CLSTN1: variants seen among roughly 807,000 people sequenced by gnomAD.
The protein encoded by CLSTN1 is calsyntenin 1.
In CLSTN1, 28 loss-of-function variants were observed where a neutral mutation model predicts 108.3. The observed-to-expected ratio is 0.26, with a 90% CI of 0.19 to 0.35. The LOEUF is 0.35. CLSTN1 is among the 10% of genes least tolerant of loss of function. The pLI is 1.00. For missense variants in CLSTN1, 1,157 were observed against 1,302.6 expected (o/e 0.89, Z 1.72); for synonymous variants, 524 against 534.9 (o/e 0.98, Z 0.28).
chr1:9,817,030 T>C (rs1249093865), intron 1 of CLSTN1, among the ~76,000 whole-genome samples: 1 of 152,154 alleles, frequency 6.6e-6, no homozygotes, highest in Non-Finnish European at 1.5e-5. Flanking sequence ...CAACAGAAGT[T>C]CTTGTCATGG....
At chr1:9,779,825 C>T (rs1653158504) in intron 1 of CLSTN1, among the ~76,000 whole-genome samples, 1 of 151,982 alleles carries the variant, frequency 6.6e-6, no homozygotes, top group South Asian at 2.1e-4. Context: ...ACTCCAAAAA[C>T]TCCATTGTTT....
chr1:9,743,036 T>A (rs931109272), intron 9 of CLSTN1, among the ~76,000 whole-genome samples: 5 of 152,186 alleles, frequency 3.3e-5, no homozygotes, highest in Non-Finnish European at 5.9e-5. Context: ...TAGACACTAT[T>A]ATATTTTAGC....
intron 7 of CLSTN1, among the ~76,000 whole-genome samples, chr1:9,745,323 C>T (rs2101097604): frequency 6.6e-6 from 1 of 152,110 alleles, no homozygotes; most frequent in Admixed American, 6.6e-5. Context: ...CCCAGTCCTC[C>T]TTTGGTAAAT....
At chr1:9,777,815 T>C (rs778657140) in intron 1 of CLSTN1, among the ~76,000 whole-genome samples, 5 of 152,144 alleles carry the variant, frequency 3.3e-5, no homozygotes, top group African/African-American at 7.2e-5. Flanking sequence ...CCTAAGAGGA[T>C]GAGAAAACGG....
chr1:9,774,977 T>C (rs1429249192), intron 1 of CLSTN1, among the ~76,000 whole-genome samples: 1 of 152,194 alleles, frequency 6.6e-6, no homozygotes, highest in Non-Finnish European at 1.5e-5. Context: ...CACGTTGCCA[T>C]GGCATTTGTA....
Position 9,735,965 on chromosome 1 carries a change from T to C in CLSTN1, c.1654A>G (p.Lys552Glu), listed in dbSNP as rs771928842. The change falls in exon 12 of 19, where the codon AAG becomes GAG. Residue 552 changes from lysine (K) to glutamate (E), a missense_variant. Coordinates refer to ENST00000377298, the MANE Select transcript of CLSTN1 (RefSeq NM_001009566.3). ...LTLRSGKLAD[K>E]KVIDCLYTCK... ...GTATACAGACAGTCGATCACCTTCT[T>C]ATCCGCGAGTTTCCCGGAACGGAGA... is the stretch of plus-strand genomic sequence containing the variant. 6.8e-6 allele frequency: 11 copies of C among 1,614,062 alleles called. No homozygotes were observed. Among genetic ancestry groups the C allele is most frequent in the Non-Finnish European group, 9.3e-6 (11 of 1,180,048 alleles).
chr1:9,736,036 T>C lies in CLSTN1; in HGVS notation c.1583A>G (p.Asp528Gly). Reference protein sequence around the residue: ...EPVTVASAGGDLHMTQFFRGN... With the variant: ...EPVTVASAGGGLHMTQFFRGN... The stretch of plus-strand genomic sequence containing the variant: ...TCGGAAAAACTGGGTCATGTGCAGG[T>C]CGCCACCTTTGGGTCAGGGGAGAAA... The change falls in exon 12 of 19, where the codon GAC becomes GGC. Residue 528 changes from aspartate (D) to glycine (G), a missense_variant. Physicochemically the swap from Asp to Gly is moderately conservative, Grantham distance 94. Transcript: ENST00000377298. 1 of 1,614,110 alleles carries C rather than the reference T, an allele frequency of 6.2e-7. No individual in the cohort carries two copies. The highest frequency in any genetic ancestry group is 8.5e-7 in the Non-Finnish European group (1 of 1,180,030).
chr1:9,781,228 T>C (rs1277287205), intron 1 of CLSTN1: 25 of 765,392 alleles, frequency 3.3e-5, no homozygotes, highest in Middle Eastern at 2.9e-4. Flanking sequence ...CTGCTGAAAA[T>C]ATGACAAGCT....
chr1:9,750,715 CAAAAA>C lies in CLSTN1; in HGVS notation c.649+753_649+757del, dbSNP rs775430059. Among the ~76,000 whole-genome samples, 139 of 77,166 alleles carry C rather than the reference CAAAAA, an allele frequency of 1.8e-3. 1 individual carries two copies. The highest frequency in any genetic ancestry group is 5.5e-3 in the African/African-American group (127 of 23,224). The allele number at this position is 77,166 out of a possible 152,430, so 50.6% of individuals were successfully genotyped here. Reference sequence around the variant, plus strand: ...CGACAGAGCAAGACCTTCCCTCAAACAAAAAAAAAAAAAAAAAAGATGTCACAGGA... The same window carrying C: ...CGACAGAGCAAGACCTTCCCTCAAACAAAAAAAAAAAAAGATGTCACAGGA... On this transcript the variant is annotated intron_variant, in intron 5 of 18. Transcript: ENST00000377298.
chr1:9,753,582 C>T (rs1188474705), intron 4 of CLSTN1, among the ~76,000 whole-genome samples: 4 of 151,930 alleles, frequency 2.6e-5, no homozygotes, highest in Non-Finnish European at 4.4e-5. Context: ...ACCTCCACCT[C>T]CCAGGTTCAA....
At chr1:9,736,180 G>T in intron 11 of CLSTN1, 138 bp from the exon 12 acceptor site, 3 of 982,842 alleles carry the variant, frequency 3.1e-6, no homozygotes, top group Non-Finnish European at 4.6e-6. Flanking sequence ...AGTCCTGTTA[G>T]CCTTGCAATC....
chr1:9,760,609 T>G (rs1162568226), intron 2 of CLSTN1, among the ~76,000 whole-genome samples: 1 of 149,282 alleles, frequency 6.7e-6, no homozygotes, highest in Non-Finnish European at 1.5e-5. Flanking sequence ...GACCTCCACC[T>G]CCTGAGTTCA....
chr1:9,797,810 C>G (rs979473591), intron 1 of CLSTN1, among the ~76,000 whole-genome samples: 10 of 151,968 alleles, frequency 6.6e-5, no homozygotes, highest in Non-Finnish European at 1.3e-4. Flanking sequence ...TAAAATATTG[C>G]AGCTACTGAT....
chr1:9,733,424 T>A lies in CLSTN1; in HGVS notation c.2404A>T (p.Ile802Phe). 1 of 1,614,212 alleles carries A rather than the reference T, an allele frequency of 6.2e-7. No individual in the cohort carries two copies. The highest frequency in any genetic ancestry group is 8.5e-7 in the Non-Finnish European group (1 of 1,180,046). Residue 802 changes from isoleucine to phenylalanine, a missense_variant, in exon 16 of 19, where the codon ATC becomes TTC. Ile to Phe is a conservative substitution (Grantham distance 21). Coordinates refer to ENST00000377298, the MANE Select transcript of CLSTN1 (RefSeq NM_001009566.3). Reference protein sequence around the residue: ...LICSELNGRYISNEFKVEVNV... With the variant: ...LICSELNGRYFSNEFKVEVNV... ...ACCTCCACCTTAAATTCGTTGCTGATGTAGCGGCCATTCAGCTCTGAGCAG... is the reference window on the plus strand; with the variant it reads ...ACCTCCACCTTAAATTCGTTGCTGAAGTAGCGGCCATTCAGCTCTGAGCAG...
chr1:9,773,213 G>A, intron 2 of CLSTN1, 59 bp downstream of exon 2: 1 of 1,607,358 alleles, frequency 6.2e-7, no homozygotes, highest in Non-Finnish European at 8.5e-7. Flanking sequence ...AATGGGATGT[G>A]CAGAATGCTT....
rs773419325 is a variant in CLSTN1 at position 9,751,539 on chromosome 1, G to C, written c.583C>G (p.Gln195Glu). 6.7e-5 allele frequency: 108 copies of C among 1,614,190 alleles called. 1 individual carries two copies. In the South Asian group the frequency reaches 9.6e-4, roughly 14 times the overall value. ...VEAVDADCSP[Q>E]FSQICSYEII... ...TCGTAGCTGCAAATCTGGCTGAACT[G>C]AGGGGAGCAGTCGGCATCCACGGCC... Residue 195 changes from glutamine to glutamate, a missense_variant, in exon 5 of 19, where the codon CAG becomes GAG. Physicochemically the swap from Gln to Glu is conservative, Grantham distance 29. Transcript: ENST00000377298.
chr1:9,801,196 G>C (rs1389563310), intron 1 of CLSTN1, among the ~76,000 whole-genome samples: 1 of 152,176 alleles, frequency 6.6e-6, no homozygotes, highest in African/African-American at 2.4e-5. Flanking sequence ...AGTAAGCTGA[G>C]ATCGTGCCAT....
chr1:9,755,093 C>T, intron 4 of CLSTN1, 21 bp downstream of exon 4: 2 of 1,600,308 alleles, frequency 1.2e-6, no homozygotes, highest in Non-Finnish European at 1.7e-6. Flanking sequence ...GTTATGTTCA[C>T]TCTTTGTCCA....
intron 2 of CLSTN1, among the ~76,000 whole-genome samples, chr1:9,763,596 C>A (rs752823483): frequency 1.4e-4 from 21 of 152,156 alleles, no homozygotes; most frequent in African/African-American, 4.8e-4. Context: ...ACAGACTAGG[C>A]AGCTGAGCAT....
Sources: gnomAD v4.1 joint callset for allele counts (sites outside exome capture counted in the v4.1 genomes callset) on GRCh38, gnomAD v4.1.1 for gene constraint, MANE v1.5 for transcripts, NCBI Gene and HGNC (gene_info 2026-07-23, HGNC 2026-07-21) for gene names.